The following SEC23A variants were observed in gnomAD, a reference collection of about 807,000 sequenced individuals.
SEC23A encodes SEC23 homolog A, COPII component.
In SEC23A, 56 loss-of-function variants were observed where a neutral mutation model predicts 103.7. The observed-to-expected ratio is 0.54, with a 90% confidence interval of 0.44 to 0.67. The LOEUF (loss-of-function observed/expected upper bound fraction) is 0.67. Ranked by LOEUF, SEC23A falls within the 30% of genes least tolerant of loss-of-function variation. SEC23A has a pLI of 0.00. For missense variants in SEC23A, 784 were observed against 936.4 expected (o/e 0.84, Z 2.12); for synonymous variants, 281 against 293.0 (o/e 0.96, Z 0.42).
At chr14:39,079,759 T>A (rs1206345154) in intron 7 of SEC23A, among the ~76,000 whole-genome samples, 1 of 151,786 alleles carries the variant, frequency 6.6e-6, no homozygotes, top group Non-Finnish European at 1.5e-5. Flanking sequence ...GAGGTGGAGG[T>A]TGCAGTGAGC....
At chr14:39,074,381 T>C (rs569960000) in intron 9 of SEC23A, 34 bp downstream of exon 9, 1 of 1,342,542 alleles carries the variant, frequency 7.4e-7, no homozygotes, top group African/African-American at 1.4e-5. Context: ...CATTTGCTTA[T>C]AATTACAAAA....
chr14:39,092,443 T>A, intron 4 of SEC23A, 98 bp downstream of exon 4: 1 of 775,220 alleles, frequency 1.3e-6, no homozygotes, highest in Non-Finnish European at 2.2e-6. Context: ...CAAATCAATG[T>A]GAGAATTAAG....
chr14:39,054,612 C>A (rs1325220565), intron 14 of SEC23A, among the ~76,000 whole-genome samples: 1 of 152,040 alleles, frequency 6.6e-6, no homozygotes, highest in East Asian at 1.9e-4. Flanking sequence ...GGTGGGACTA[C>A]AGGCACACAG....
intron 6 of SEC23A, 82 bp downstream of exon 6, chr14:39,086,847 T>C: frequency 2.5e-6 from 2 of 805,006 alleles, no homozygotes; most frequent in Admixed American, 1.8e-5. Flanking sequence ...CAATATAGTA[T>C]CACTGAATGC....
At chr14:39,059,198 T>C (rs1421937272) in intron 13 of SEC23A, among the ~76,000 whole-genome samples, 1 of 148,688 alleles carries the variant, frequency 6.7e-6, no homozygotes, top group African/African-American at 2.5e-5. Context: ...AACTTTGTCT[T>C]CTCAGGAGCC....
At chr14:39,058,930 CA>C (rs1418024198) in intron 13 of SEC23A, among the ~76,000 whole-genome samples, 6 of 152,076 alleles carry the variant, frequency 3.9e-5, no homozygotes, top group Non-Finnish European at 5.9e-5. Context: ...AACTGAACTA[CA>C]AAGGTGACTT....
intron 14 of SEC23A, among the ~76,000 whole-genome samples, chr14:39,053,596 A>C (rs1886143001): frequency 6.6e-6 from 1 of 152,002 alleles, no homozygotes; most frequent in African/African-American, 2.4e-5. Context: ...AAACTCTTGG[A>C]GGTGAAATCA....
At chr14:39,048,374 G>A (rs2139199157) in intron 15 of SEC23A, among the ~76,000 whole-genome samples, 1 of 152,148 alleles carries the variant, frequency 6.6e-6, no homozygotes, top group South Asian at 2.1e-4. Context: ...AGCACTTTGG[G>A]AGGCCAAGGC....
At chr14:39,049,412 G>A (rs1885964959) in intron 14 of SEC23A, among the ~76,000 whole-genome samples, 1 of 151,614 alleles carries the variant, frequency 6.6e-6, no homozygotes, top group South Asian at 2.1e-4. Context: ...GAAGGCAGAG[G>A]TTGCAGTGAG....
intron 6 of SEC23A, 29 bp from the exon 7 acceptor site, chr14:39,085,935 T>C (rs1245357108): frequency 5.6e-6 from 9 of 1,593,604 alleles, no homozygotes; most frequent in African/African-American, 1.3e-5. Flanking sequence ...TAAAAAGCCA[T>C]TTGTAAATGT....
intron 1 of SEC23A, among the ~76,000 whole-genome samples, chr14:39,097,208 T>C (rs977428199): frequency 6.6e-6 from 1 of 152,240 alleles, no homozygotes; most frequent in Non-Finnish European, 1.5e-5. Flanking sequence ...CCATTTTTAC[T>C]GTCTAAATGC....
intron 18 of SEC23A, 139 bp downstream of exon 18, chr14:39,040,593 G>C (rs1453159798): frequency 1.9e-6 from 2 of 1,061,188 alleles, no homozygotes; most frequent in Admixed American, 1.8e-5. Context: ...CAAAAAGTAA[G>C]CACTGATACC....
At chr14:39,042,987 A>G (rs570887946) in intron 16 of SEC23A, 115 bp from the exon 17 acceptor site, 5 of 707,498 alleles carry the variant, frequency 7.1e-6, no homozygotes, top group African/African-American at 1.8e-5. Flanking sequence ...TTATTTATTT[A>G]TTTTTTTGGA....
chr14:39,102,196 C>A (rs1243987543), intron 1 of SEC23A, among the ~76,000 whole-genome samples: 1 of 151,698 alleles, frequency 6.6e-6, no homozygotes, highest in African/African-American at 2.4e-5. Context: ...TGCGCCACTG[C>A]ACTCCAGCCT....
chr14:39,041,574 A>T (rs974565250), intron 17 of SEC23A: 14 of 151,690 alleles, frequency 9.2e-5, no homozygotes, highest in African/African-American at 3.4e-4. Context: ...TAAATCTTTT[A>T]AAACTCCTGG....
intron 11 of SEC23A, 22 bp downstream of exon 11, chr14:39,064,891 T>C: frequency 6.4e-7 from 1 of 1,557,888 alleles, no homozygotes; most frequent in African/African-American, 1.4e-5. Flanking sequence ...TGTATTTTCT[T>C]TTTAGAATAA....
At chr14:39,091,421 TA>T in intron 5 of SEC23A, 55 bp downstream of exon 5, 1 of 1,294,740 alleles carries the variant, frequency 7.7e-7, no homozygotes, top group Non-Finnish European at 1.1e-6. Flanking sequence ...AAGGCATTTA[TA>T]AACATATATA....
chr14:39,048,678 A>C lies in SEC23A; in HGVS notation c.1711T>G (p.Ser571Ala), dbSNP rs1232970294. 1.3e-6 allele frequency: 2 copies of C among 1,596,002 alleles called. No homozygotes were observed. Among genetic ancestry groups the C allele is most frequent in the Non-Finnish European group, 1.7e-6 (2 of 1,163,584 alleles). The change falls in exon 15 of 20, where the codon TCA becomes GCA. Residue 571 changes from serine to alanine, a missense_variant. Around this residue, in one of 2 missense-constraint regions of SEC23A, gnomAD observed 683 missense variants for 774.2 expected, o/e 0.88. Transcript: ENST00000307712. The part of the protein sequence containing the change: ...HKDDPSSFRF[S>A]ETFSLYPQFM... ...TGTGGATAAAGGGAGAAAGTTTCTG[A>C]AAATCTGAAGGAACTTGGGTCATCT...
intron 2 of SEC23A, chr14:39,094,831 GA>G: frequency 1.7e-6 from 1 of 593,880 alleles, no homozygotes; most frequent in South Asian, 2.1e-5. Context: ...ATGTAGATGA[GA>G]ATAAGGAAAA....
Sources: allele counts gnomAD v4.1 joint callset (sites outside exome capture counted in the v4.1 genomes callset), GRCh38; gene constraint gnomAD v4.1.1; regional missense constraint gnomAD v4.1.1; transcripts MANE v1.5; gene names NCBI Gene and HGNC (gene_info 2026-07-23, HGNC 2026-07-21).